FBLN1: variants seen among roughly 807,000 people sequenced by gnomAD.
FBLN1 encodes the protein fibulin 1.
Under a neutral mutation model 89.7 loss-of-function variants are expected in FBLN1, and 34 were observed. The observed-to-expected ratio is 0.38, with a 90% CI of 0.29 to 0.50. The LOEUF (loss-of-function observed/expected upper bound fraction) is 0.50. FBLN1 is among the 20% of genes least tolerant of loss of function. The pLI, the probability that FBLN1 is intolerant of heterozygous loss-of-function variation, is 0.92. For synonymous variants in FBLN1, 393 were observed against 391.3 expected (o/e 1.00, Z -0.05); for missense variants, 777 against 988.1 (o/e 0.79, Z 2.86).
intron 14 of FBLN1, among the ~76,000 whole-genome samples, chr22:45,560,426 A>T (rs1452444607): frequency 6.6e-6 from 1 of 151,864 alleles, no homozygotes; most frequent in Non-Finnish European, 1.5e-5. Flanking sequence ...TGACTAATCC[A>T]CTCCACCATC....
At position 45,577,535 on chromosome 22, in the gene FBLN1, G is replaced by T. The variant is rs1333322554; in HGVS notation, c.1972+427G>T. 6.6e-6 allele frequency among the ~76,000 whole-genome samples: 1 copy of T among 152,250 alleles called. No individual in the cohort carries two copies. The highest frequency in any genetic ancestry group is 1.5e-5 in the Non-Finnish European group (1 of 68,038). ...TGCAATGGGAGGGATAGCAAAGTAG[G>T]AATCAGAGGGCCTGAGCTCTGGTCT... On this transcript the variant is annotated intron_variant, in intron 16 of 16. Coordinates refer to ENST00000327858, the MANE Select transcript of FBLN1 (RefSeq NM_006486.3). The surrounding 1 kb of genome is among the most constrained non-coding windows in gnomAD (Gnocchi z 6.6).
chr22:45,542,316 C>A, intron 10 of FBLN1, 33 bp downstream of exon 10: 5 of 1,612,772 alleles, frequency 3.1e-6, no homozygotes, highest in Non-Finnish European at 4.2e-6. Context: ...CTCGGGGGAA[C>A]CCAGCCACGT....
chr22:45,584,054 C>T (rs2089064660), intron 16 of FBLN1, among the ~76,000 whole-genome samples: 1 of 152,174 alleles, frequency 6.6e-6, no homozygotes, highest in South Asian at 2.1e-4. Flanking sequence ...TGGTATAAGG[C>T]AGTCCTCTGG....
At position 45,583,602 on chromosome 22, in the gene FBLN1, G is replaced by C. The variant is rs144517077; in HGVS notation, c.1972+6494G>C. 7.5e-4 allele frequency among the ~76,000 whole-genome samples: 114 copies of C among 152,330 alleles called. No homozygotes were observed. Among genetic ancestry groups the C allele is most frequent in the Non-Finnish European group, 1.5e-3 (100 of 68,020 alleles). The stretch of plus-strand genomic sequence containing the variant: ...AATTTCGCCTTGCCGTCTCTCTTGA[G>C]AGTGGCTATACCTTCTAGGCCTGAT... On this transcript the variant is annotated intron_variant, in intron 16 of 16. Coordinates refer to ENST00000327858, the MANE Select transcript of FBLN1 (RefSeq NM_006486.3). The surrounding 1 kb of genome is among the most constrained non-coding windows in gnomAD (Gnocchi z 4.5).
chr22:45,590,513 G>A lies in FBLN1; in HGVS notation c.1973-9794G>A, dbSNP rs2089127017. The stretch of plus-strand genomic sequence containing the variant: ...CCCGGGTGGGGGTAGGGTGAGAAGA[G>A]CCCCCTGCAGAGCCACAGTGGGCCC... On this transcript the variant is annotated intron_variant, in intron 16 of 16. Coordinates refer to ENST00000327858, the MANE Select transcript of FBLN1 (RefSeq NM_006486.3). This position sits in a 1 kb window ranked among gnomAD's most constrained non-coding sequence, Gnocchi z 4.1. Among the ~76,000 whole-genome samples, 1 of 152,182 alleles carries A rather than the reference G, an allele frequency of 6.6e-6. No individual in the cohort carries two copies. The highest frequency in any genetic ancestry group is 1.5e-5 in the Non-Finnish European group (1 of 68,028).
In FBLN1 at chr22:45,581,757, G is replaced by A. The variant is rs893827912; in HGVS notation, c.1972+4649G>A. On this transcript the variant is annotated intron_variant, in intron 16 of 16. Coordinates refer to ENST00000327858, the MANE Select transcript of FBLN1 (RefSeq NM_006486.3). The surrounding 1 kb of genome is among the most constrained non-coding windows in gnomAD (Gnocchi z 7.6). ...ACATTCTGGGTCTTGAGGCTGAGGG[G>A]TGAGCCAGACAAGTGGGACACCCAA... is the stretch of plus-strand genomic sequence containing the variant. Among the ~76,000 whole-genome samples the A allele has an allele frequency of 2.6e-5, 4 of 152,088 alleles. No homozygotes were observed. The highest frequency in any genetic ancestry group is 9.7e-5 in the African/African-American group (4 of 41,424).
chr22:45,523,250 C>A, intron 2 of FBLN1: 2 of 732,810 alleles, frequency 2.7e-6, no homozygotes, highest in Non-Finnish European at 5.1e-6. Flanking sequence ...GAGCCAGCAA[C>A]GGCCAGTCCC....
At chr22:45,564,700 A>G (rs1228431492) in intron 14 of FBLN1, among the ~76,000 whole-genome samples, 1 of 152,148 alleles carries the variant, frequency 6.6e-6, no homozygotes, top group Non-Finnish European at 1.5e-5. Context: ...ACCTTCCAGA[A>G]GGCTCTGTGA....
At chr22:45,598,588 C>G (rs1372999115) in intron 16 of FBLN1, among the ~76,000 whole-genome samples, 1 of 152,224 alleles carries the variant, frequency 6.6e-6, no homozygotes, top group African/African-American at 2.4e-5. Flanking sequence ...CCCTCCCCAC[C>G]TCCATTCTCG....
chr22:45,558,230 A>G (rs936564106), intron 14 of FBLN1: 1 of 556,828 alleles, frequency 1.8e-6, no homozygotes, highest in Non-Finnish European at 3.4e-6. Flanking sequence ...TACCACTTCC[A>G]TTTGATGATG....
At chr22:45,553,313 C>T (rs978904018) in intron 14 of FBLN1, among the ~76,000 whole-genome samples, 2 of 152,204 alleles carry the variant, frequency 1.3e-5, no homozygotes, top group Non-Finnish European at 2.9e-5. Context: ...GCACATTGTC[C>T]TCTAACGCAT....
Position 45,572,954 on chromosome 22 carries a change from C to T in FBLN1, c.1698-1557C>T, listed in dbSNP as rs934036529. On this transcript the variant is annotated intron_variant, in intron 14 of 16. Coordinates refer to ENST00000327858, the MANE Select transcript of FBLN1 (RefSeq NM_006486.3). This position sits in a 1 kb window ranked among gnomAD's most constrained non-coding sequence, Gnocchi z 5.8. ...TATGGAAAATAAAGGAGGCCGGGCA[C>T]GTTGGCTCACGCCTGTAATCCCAAC... Among the ~76,000 whole-genome samples, 5 of 152,228 alleles carry T rather than the reference C, an allele frequency of 3.3e-5. No homozygotes were observed. Among genetic ancestry groups the T allele is most frequent in the African/African-American group, 7.2e-5 (3 of 41,462 alleles).
At chr22:45,529,958 A>G (rs2350960) in intron 4 of FBLN1, among the ~76,000 whole-genome samples, 23,543 of 152,162 alleles carry the variant, frequency 0.15, 2,393 homozygotes, top group African/African-American at 0.29. Context: ...AAGTCAAGGT[A>G]ATGGCTGTAG....
chr22:45,574,487 C>G lies in FBLN1; in HGVS notation c.1698-24C>G. The G allele has an allele frequency of 6.2e-7, 1 of 1,614,006 alleles. No individual in the cohort carries two copies. On this transcript the variant is annotated intron_variant, in intron 14 of 16. Coordinates refer to ENST00000327858, the MANE Select transcript of FBLN1 (RefSeq NM_006486.3). The surrounding 1 kb of genome is among the most constrained non-coding windows in gnomAD (Gnocchi z 4.1). ...CTGCTGTCCCAGCTTCCCCGTCAGC[C>G]TCGTGTGCTGTGGTTCCCCTCAGGC... is the stretch of plus-strand genomic sequence containing the variant.
In FBLN1 at chr22:45,535,544, G is replaced by A. The variant is rs911835046; in HGVS notation, c.922+207G>A. 6 of 605,592 alleles carry A rather than the reference G, an allele frequency of 9.9e-6. No individual in the cohort carries two copies. In the African/African-American group the frequency reaches 1.1e-4, roughly 11 times the overall value. 37.5% of individuals were successfully genotyped at this position (605,592 alleles called of 1,614,324 possible). A position where few individuals can be genotyped will look rare whatever the true frequency, so the allele number is the denominator to read the frequency against. ...CTCTGTCATAATAGTCAACTCTGCT[G>A]TTATAGTCTAAAGCGGCCAAGGGCC... On this transcript the variant is annotated intron_variant, in intron 8 of 16. Coordinates refer to ENST00000327858, the MANE Select transcript of FBLN1 (RefSeq NM_006486.3).
In FBLN1 at chr22:45,550,291, T is replaced by C. The variant is rs370285278; in HGVS notation, c.1574-201T>C. 5.9e-5 allele frequency among the ~76,000 whole-genome samples: 9 copies of C among 152,334 alleles called. 1 individual carries two copies. The South Asian group carries it at 1.9e-3, about 32-fold the overall frequency. ...CCTCCAGGGATTGCGAATGATAAGTTAACACTCTATAAATGTAAATACCCT... is the reference window on the plus strand; with the variant it reads ...CCTCCAGGGATTGCGAATGATAAGTCAACACTCTATAAATGTAAATACCCT... On this transcript the variant is annotated intron_variant, in intron 13 of 16. Transcript: ENST00000327858. This position sits in a 1 kb window ranked among gnomAD's most constrained non-coding sequence, Gnocchi z 8.4.
rs147494170 is a variant in FBLN1 at position 45,557,789 on chromosome 22, A to G, written c.1697+7174A>G. ...AAATTTCATTGTCATCAATTTTCCAATCATGCTTCTTCCAAGTCCCTGACC... is the reference window on the plus strand; with the variant it reads ...AAATTTCATTGTCATCAATTTTCCAGTCATGCTTCTTCCAAGTCCCTGACC... On this transcript the variant is annotated intron_variant, in intron 14 of 16. Coordinates refer to ENST00000327858, the MANE Select transcript of FBLN1 (RefSeq NM_006486.3). This position sits in a 1 kb window ranked among gnomAD's most constrained non-coding sequence, Gnocchi z 4.9. 3.9e-5 allele frequency among the ~76,000 whole-genome samples: 6 copies of G among 152,290 alleles called. No homozygotes were observed. The highest frequency in any genetic ancestry group is 1.3e-4 in the Admixed American group (2 of 15,296).
chr22:45,590,814 G>A lies in FBLN1; in HGVS notation c.1973-9493G>A, dbSNP rs555016030. 2.0e-4 allele frequency among the ~76,000 whole-genome samples: 30 copies of A among 152,246 alleles called. No homozygotes were observed. Among genetic ancestry groups the A allele is most frequent in the African/African-American group, 6.3e-4 (26 of 41,560 alleles). On this transcript the variant is annotated intron_variant, in intron 16 of 16. Coordinates refer to ENST00000327858, the MANE Select transcript of FBLN1 (RefSeq NM_006486.3). This position sits in a 1 kb window ranked among gnomAD's most constrained non-coding sequence, Gnocchi z 4.1. ...GTACCTGCCTGGAGAGTGAGGGGTAGGGGAGGAAGGGAAGTGGGTTTAAGG... is the reference window on the plus strand; with the variant it reads ...GTACCTGCCTGGAGAGTGAGGGGTAAGGGAGGAAGGGAAGTGGGTTTAAGG...
Position 45,518,517 on chromosome 22 carries a change from T to C in FBLN1, c.80-165T>C, listed in dbSNP as rs965470094. Reference sequence around the variant, plus strand: ...GGGGTGTGGACTCGCAGCTGGGGTCTGGTGGGGTTTTCAGTACTGGTTTGC... The same window carrying C: ...GGGGTGTGGACTCGCAGCTGGGGTCCGGTGGGGTTTTCAGTACTGGTTTGC... On this transcript the variant is annotated intron_variant, in intron 1 of 16. Coordinates refer to ENST00000327858, the MANE Select transcript of FBLN1 (RefSeq NM_006486.3). 84 of 668,962 alleles carry C rather than the reference T, an allele frequency of 1.3e-4. No individual in the cohort carries two copies. In the African/African-American group the frequency reaches 1.4e-3, roughly 11 times the overall value. 41.4% of individuals were successfully genotyped at this position (668,962 alleles called of 1,614,324 possible).
Sources: gnomAD v4.1 joint callset for allele counts (sites outside exome capture counted in the v4.1 genomes callset) on GRCh38, gnomAD v4.1.1 for gene constraint, Gnocchi (gnomAD v3.1) non-coding constraint, MANE v1.5 for transcripts, NCBI Gene and HGNC (gene_info 2026-07-23, HGNC 2026-07-21) for gene names.